APOB: variants seen among roughly 807,000 people sequenced by gnomAD.
APOB encodes apolipoprotein B-100.
In APOB, 153 loss-of-function variants were observed where a neutral mutation model predicts 314.1. The ratio of observed to expected loss-of-function variants is 0.49; its 90% CI spans 0.43 to 0.56. The LOEUF (loss-of-function observed/expected upper bound fraction) is 0.56, where lower values mean the gene tolerates loss of function less well. Ranked by LOEUF, APOB falls within the 20% of genes least tolerant of loss-of-function variation. The pLI is 0.00. For synonymous variants in APOB, 2,087 were observed against 2,036.4 expected (o/e 1.02, Z -0.67); for missense variants, 5,430 against 5,350.7 (o/e 1.01, Z -0.46).
Position 21,010,293 on chromosome 2 carries a change from T to C in APOB, c.6575A>G (p.His2192Arg), listed in dbSNP as rs1663270641. The C allele has an allele frequency of 6.5e-7, 1 of 1,549,814 alleles. No individual in the cohort carries two copies. Among genetic ancestry groups the C allele is most frequent in the African/African-American group, 1.4e-5 (1 of 72,606 alleles). ...ATTAGCAATAGCTATTTTCAAATCA[T>C]GTAAATCATAACTATCTTTAATATA... ...DQYIKDSYDL[H>R]DLKIAIANII... The change falls in exon 26 of 29, where the codon CAT (histidine) becomes CGT (arginine). Residue 2192 changes from histidine (H) to arginine (R), a missense_variant. Coordinates refer to ENST00000233242, the MANE Select transcript of APOB (RefSeq NM_000384.3).
intron 26 of APOB, 107 bp downstream of exon 26, chr2:21,004,973 G>T: frequency 1.4e-6 from 2 of 1,460,560 alleles, no homozygotes; most frequent in Admixed American, 1.7e-5. Context: ...AAAATTTTGT[G>T]ACATTGAGTA....
Position 21,007,764 on chromosome 2 carries a change from T to C in APOB, c.9104A>G (p.Asn3035Ser). The change falls in exon 26 of 29, where the codon AAT becomes AGT. Residue 3035 changes from asparagine (N) to serine (S), a missense_variant. By Grantham distance (46) the Asn-to-Ser change is conservative (BLOSUM62 1). Transcript: ENST00000233242. ...TGGCTGGGCTGAAAAGAAAAGAGAA[T>C]TTTTCAAAGTTCCAATAACCTTTCC... ...LNGKVIGTLKNSLFFSAQPFE... is the reference protein window; with the variant it reads ...LNGKVIGTLKSSLFFSAQPFE... The C allele has an allele frequency of 6.2e-7, 1 of 1,614,022 alleles. No homozygotes were observed. The highest frequency in any genetic ancestry group is 1.3e-5 in the African/African-American group (1 of 75,018).
intron 3 of APOB, among the ~76,000 whole-genome samples, chr2:21,041,936 T>TCA (rs1296396160): frequency 1.3e-5 from 2 of 152,224 alleles, no homozygotes; most frequent in Non-Finnish European, 2.9e-5. Context: ...TTTATATTTT[T>TCA]TTCTTCTTTC....
At position 21,032,321 on chromosome 2, in the gene APOB, T is replaced by G. The variant is rs762807144; in HGVS notation, c.1352+33A>C. The G allele has an allele frequency of 1.9e-6, 3 of 1,584,028 alleles. No homozygotes were observed. In the South Asian group the frequency reaches 3.3e-5, roughly 18 times the overall value. On this transcript the variant is annotated intron_variant, in intron 10 of 28. Coordinates refer to ENST00000233242, the MANE Select transcript of APOB (RefSeq NM_000384.3). ...ACAGAGGTGCAAGATGTTCCTCTGC[T>G]CCTAGGAGGAGAAATACAGTGTGGA...
At chr2:21,039,680 TA>T (rs1366910285) in intron 4 of APOB, among the ~76,000 whole-genome samples, 3 of 152,194 alleles carry the variant, frequency 2.0e-5, no homozygotes, top group Non-Finnish European at 4.4e-5. Context: ...TGTCAATTTT[TA>T]AAAAAGACAG....
In APOB at chr2:21,043,424, C is replaced by T. The variant is rs926698500; in HGVS notation, c.121+89G>A. 1.6e-5 allele frequency: 23 copies of T among 1,452,538 alleles called. No homozygotes were observed. In the African/African-American group the frequency reaches 3.0e-4, roughly 19 times the overall value. 90.0% of individuals were successfully genotyped at this position (1,452,538 alleles called of 1,614,324 possible). On this transcript the variant is annotated intron_variant, in intron 2 of 28. Coordinates refer to ENST00000233242, the MANE Select transcript of APOB (RefSeq NM_000384.3). ...AGGCACACCACGATGCCATCTCAGC[C>T]CTGTAGAGTGGGAGGCCCTCAGGGA... is the stretch of plus-strand genomic sequence containing the variant.
chr2:21,002,060 G>T lies in APOB; in HGVS notation c.13362C>A (p.Ile4454=), dbSNP rs1662993734. The T allele has an allele frequency of 6.2e-7, 1 of 1,613,956 alleles. No individual in the cohort carries two copies. Among genetic ancestry groups the T allele is most frequent in the Non-Finnish European group, 8.5e-7 (1 of 1,179,980 alleles). The change falls in exon 29 of 29, where the codon ATC becomes ATA. Residue 4454 remains isoleucine, a synonymous_variant. Transcript: ENST00000233242. ...LHRNIQEYLS[I]LTDPDGKGKE... ...TCCCTTTTCCATCTGGATCGGTAAG[G>T]ATGCTAAGATATTCCTGAATATTTC... is the stretch of plus-strand genomic sequence containing the variant.
intron 23 of APOB, 79 bp from the exon 24 acceptor site, chr2:21,014,672 G>A (rs673548): frequency 0.25 from 353,449 of 1,430,782 alleles, 53,513 homozygotes; most frequent in East Asian, 0.73. Context: ...CAAAAATACC[G>A]ATTTGACAAG....
rs1258358286 is a variant in APOB at position 21,006,214 on chromosome 2, C to T, written c.10654G>A (p.Gly3552Arg). The T allele has an allele frequency of 6.2e-7, 1 of 1,614,030 alleles. No individual in the cohort carries two copies. Among genetic ancestry groups the T allele is most frequent in the South Asian group, 1.1e-5 (1 of 91,080 alleles). The change falls in exon 26 of 29, where the codon GGA (glycine) becomes AGA (arginine). Residue 3552 changes from glycine (G) to arginine (R), a missense_variant. Physicochemically the swap from Gly to Arg is moderately radical, Grantham distance 125. Coordinates refer to ENST00000233242, the MANE Select transcript of APOB (RefSeq NM_000384.3). ...WNLEVKENFA[G>R]EATLQRIYSL... Reference sequence around the variant, plus strand: ...TATATGCGTTGGAGTGTGGCTTCTCCAGCAAAATTTTCTTTTACTTCAAGG... The same window carrying T: ...TATATGCGTTGGAGTGTGGCTTCTCTAGCAAAATTTTCTTTTACTTCAAGG...
chr2:21,043,744 C>G (rs906492006), intron 1 of APOB, 120 bp downstream of exon 1: 5 of 1,510,420 alleles, frequency 3.3e-6, no homozygotes, highest in Middle Eastern at 1.7e-4. Flanking sequence ...CCAATCCCCC[C>G]ACTCGCCCTG....
In APOB at chr2:21,016,114, C is replaced by G. The variant is rs189578734; in HGVS notation, c.3332+325G>C. Among the ~76,000 whole-genome samples, 6 of 152,210 alleles carry G rather than the reference C, an allele frequency of 3.9e-5. No homozygotes were observed. The East Asian group carries it at 1.2e-3, about 29-fold the overall frequency. ...ACCATCCTGGTCAATATGGTGAAAC[C>G]CTGTCTCTACTAAAAATATAAAAAT... is the stretch of plus-strand genomic sequence containing the variant. On this transcript the variant is annotated intron_variant, in intron 21 of 28. Coordinates refer to ENST00000233242, the MANE Select transcript of APOB (RefSeq NM_000384.3).
At chr2:21,003,964 T>C (rs533001901) in intron 28 of APOB, among the ~76,000 whole-genome samples, 1 of 152,280 alleles carries the variant, frequency 6.6e-6, no homozygotes, top group East Asian at 1.9e-4. Context: ...CTGAAAAATA[T>C]ACCCTGCCTA....
rs893368268 is a variant in APOB, at chr2:21,004,126, A to T, written c.12087+143T>A. The T allele has an allele frequency of 1.1e-4, 90 of 797,324 alleles. No homozygotes were observed. In the East Asian group the frequency reaches 2.2e-3, roughly 19 times the overall value. The allele number at this position is 797,324 out of a possible 1,614,324, so 49.4% of individuals were successfully genotyped here. ...GACTCATTGTAATACTTTCTAGAGA[A>T]TATTTCCTCAGAGAAGAAGTTGCTT... is the stretch of plus-strand genomic sequence containing the variant. On this transcript the variant is annotated intron_variant, in intron 28 of 28. Coordinates refer to ENST00000233242, the MANE Select transcript of APOB (RefSeq NM_000384.3).
At position 21,008,133 on chromosome 2, in the gene APOB, G is replaced by C. The variant is rs763776578; in HGVS notation, c.8735C>G (p.Thr2912Arg). The C allele has an allele frequency of 2.5e-6, 4 of 1,614,076 alleles. No individual in the cohort carries two copies. ...SQADLRNEIK[T>R]LLKAGHIAWT... ...TGCTATGTGGCCAGCTTTCAACAGT[G>C]TCTTGATCTCGTTGCGCAGGTCAGC... The change falls in exon 26 of 29, where the codon ACA (threonine) becomes AGA (arginine). Residue 2912 changes from threonine to arginine, a missense_variant. Physicochemically the swap from Thr to Arg is moderately conservative, Grantham distance 71. Around this residue, in one of 3 missense-constraint regions of APOB, gnomAD observed 3,281 missense variants for 3,171.0 expected, o/e 1.03. Transcript: ENST00000233242.
chr2:21,011,116 C>T lies in APOB; in HGVS notation c.5752G>A (p.Ala1918Thr), dbSNP rs761213870. 7.4e-6 allele frequency: 12 copies of T among 1,614,082 alleles called. No homozygotes were observed. Among genetic ancestry groups the T allele is most frequent in the East Asian group, 6.7e-5 (3 of 44,900 alleles). The change falls in exon 26 of 29, where the codon GCT becomes ACT. Residue 1918 changes from alanine to threonine, a missense_variant. Ala to Thr is a moderately conservative substitution (Grantham distance 58, BLOSUM62 0). Around this residue, in one of 3 missense-constraint regions of APOB, gnomAD observed 3,281 missense variants for 3,171.0 expected, o/e 1.03. Transcript: ENST00000233242. Reference protein sequence around the residue: ...DAHTNGNGKLALWGEHTGQLY... With the variant: ...DAHTNGNGKLTLWGEHTGQLY... ...TGCCCAGTATGTTCTCCCCAGAGAG[C>T]GAGTTTCCCATTGCCATTTGTATGT...
chr2:21,007,168 T>C lies in APOB; in HGVS notation c.9700A>G (p.Lys3234Glu). ...AGCTCGTCGTGAGATTTTTCAGCTT[T>C]GTACTTATCAAACTTAATTTTTGTT... is the stretch of plus-strand genomic sequence containing the variant. ...NETKIKFDKY[K>E]AEKSHDELPR... Residue 3234 changes from lysine (K) to glutamate (E), a missense_variant, in exon 26 of 29, where the codon AAA becomes GAA. Around this residue, in one of 3 missense-constraint regions of APOB, gnomAD observed 3,281 missense variants for 3,171.0 expected, o/e 1.03. Coordinates refer to ENST00000233242, the MANE Select transcript of APOB (RefSeq NM_000384.3). 6.2e-7 allele frequency: 1 copy of C among 1,613,962 alleles called. No homozygotes were observed. The highest frequency in any genetic ancestry group is 8.5e-7 in the Non-Finnish European group (1 of 1,179,944).
Position 21,013,160 on chromosome 2 carries a change from C to T in APOB, c.4216G>A (p.Gly1406Arg). 1.2e-6 allele frequency: 2 copies of T among 1,613,654 alleles called. No homozygotes were observed. Among genetic ancestry groups the T allele is most frequent in the Non-Finnish European group, 1.7e-6 (2 of 1,179,932 alleles). The change falls in exon 25 of 29, where the codon GGA becomes AGA. Residue 1406 changes from glycine (G) to arginine (R), a missense_variant and splice_region_variant. Physicochemically the swap from Gly to Arg is moderately radical, Grantham distance 125 (BLOSUM62 -2). Transcript: ENST00000233242. ...VVDLLSYNVQ[G>R]SGETTYDHKN... is the part of the protein sequence containing the mutation. ...CACCCTTTACCTGAGCATAGCTCAC[C>T]TTGCACATTGTAGGAAAGCAGGTCA...
intron 9 of APOB, 56 bp from the exon 10 acceptor site, chr2:21,032,637 A>C: frequency 1.5e-6 from 2 of 1,376,456 alleles, no homozygotes; most frequent in Non-Finnish European, 2.1e-6. Flanking sequence ...CACATAAAAT[A>C]TTGCTCATGG....
In APOB at chr2:21,021,140, A is replaced by G. The variant is rs571938001; in HGVS notation, c.2817-1235T>C. 3.3e-5 allele frequency among the ~76,000 whole-genome samples: 5 copies of G among 152,358 alleles called. No individual in the cohort carries two copies. In the East Asian group the frequency reaches 7.7e-4, roughly 24 times the overall value. The stretch of plus-strand genomic sequence containing the variant: ...TGTTTCATAGGAGGACATCAAATAC[A>G]GCACATCCAAAACTGAATTTGTCAC... On this transcript the variant is annotated intron_variant, in intron 18 of 28. Coordinates refer to ENST00000233242, the MANE Select transcript of APOB (RefSeq NM_000384.3).
Sources: gnomAD v4.1 joint callset for allele counts (sites outside exome capture counted in the v4.1 genomes callset) on GRCh38, gnomAD v4.1.1 for gene constraint, gnomAD v4.1.1 regional missense constraint, MANE v1.5 for transcripts, NCBI Gene and HGNC (gene_info 2026-07-23, HGNC 2026-07-21) for gene names.